Variants in RAPGEF1 observed in about 807,000 individuals in gnomAD.
RAPGEF1 encodes the protein Rap guanine nucleotide exchange factor 1.
Under a neutral mutation model 143.3 loss-of-function variants are expected in RAPGEF1, and 33 were observed. That is an observed-to-expected ratio of 0.23 (90% CI 0.17 to 0.31). RAPGEF1 has a LOEUF of 0.31. Among genes scored for constraint, RAPGEF1 ranks in the 10% least tolerant of loss-of-function variants. The pLI, the probability that RAPGEF1 is intolerant of heterozygous loss-of-function variation, is 1.00. For missense variants in RAPGEF1, 1,199 were observed against 1,645.4 expected (o/e 0.73, Z 4.69); for synonymous variants, 629 against 676.5 (o/e 0.93, Z 1.09).
At chr9:131,666,960 G>A (rs1230647688) in intron 1 of RAPGEF1, among the ~76,000 whole-genome samples, 1 of 152,108 alleles carries the variant, frequency 6.6e-6, no homozygotes, top group Non-Finnish European at 1.5e-5. Flanking sequence ...GAGTGCTGAG[G>A]TCTTGAAGGT....
chr9:131,677,564 A>G (rs1832519886), intron 1 of RAPGEF1, among the ~76,000 whole-genome samples: 1 of 152,236 alleles, frequency 6.6e-6, no homozygotes, highest in Non-Finnish European at 1.5e-5. Flanking sequence ...CATTTTTAGC[A>G]GTCCATTTTG....
At chr9:131,692,682 T>C (rs1474118803) in intron 1 of RAPGEF1, among the ~76,000 whole-genome samples, 1 of 152,248 alleles carries the variant, frequency 6.6e-6, no homozygotes, top group Non-Finnish European at 1.5e-5. Flanking sequence ...TGACTCCTCT[T>C]GATTTTTCCT....
rs1297616177 is a variant in RAPGEF1, at chr9:131,621,811, G to C, written c.1890C>G (p.Pro630=). 11 of 1,606,846 alleles carry C rather than the reference G, an allele frequency of 6.8e-6. No individual in the cohort carries two copies. The highest frequency in any genetic ancestry group is 1.7e-5 in the Admixed American group (1 of 58,772). Reference sequence around the variant, plus strand: ...TGTCACTCACCAGCTGCCGCTGCTTGGGGGGTAGGGCGGGCGGCGGGGCCA... The same window carrying C: ...TGTCACTCACCAGCTGCCGCTGCTTCGGGGGTAGGGCGGGCGGCGGGGCCA... ...QELAPPPALP[P]KQRQLASCAA... is the part of the protein sequence containing the mutation. The change falls in exon 11 of 27, where the codon CCC becomes CCG. Residue 630 remains proline (P), a synonymous_variant. Transcript: ENST00000683357. This position sits in a 1 kb window ranked among gnomAD's most constrained non-coding sequence, Gnocchi z 4.5.
At position 131,611,495 on chromosome 9, in the gene RAPGEF1, AC is replaced by A. The variant is rs200223006; in HGVS notation, c.2062-6308del. ...TCACAATATCTCCACTGAAAATACT[AC>A]GTTTTGGCCAATGGCTTCATGGCAA... On this transcript the variant is annotated intron_variant, in intron 12 of 26. Coordinates refer to ENST00000683357, the MANE Select transcript of RAPGEF1 (RefSeq NM_001377935.1). Among the ~76,000 whole-genome samples, 10 of 152,348 alleles carry A rather than the reference AC, an allele frequency of 6.6e-5. No individual in the cohort carries two copies. The East Asian group carries it at 1.5e-3, about 23-fold the overall frequency.
At chr9:131,615,519 G>A (rs1222467853) in intron 12 of RAPGEF1, among the ~76,000 whole-genome samples, 1 of 152,216 alleles carries the variant, frequency 6.6e-6, no homozygotes, top group Admixed American at 6.5e-5. Flanking sequence ...ACTCGTGGGA[G>A]GTGCTGGTGA....
intron 17 of RAPGEF1, 110 bp downstream of exon 17, chr9:131,596,188 C>T: frequency 2.0e-6 from 2 of 1,005,374 alleles, no homozygotes; most frequent in Middle Eastern, 2.1e-4. Context: ...GACTGCTGAT[C>T]AGACCTGCTC....
intron 17 of RAPGEF1, among the ~76,000 whole-genome samples, chr9:131,593,329 T>C (rs1954674669): frequency 6.6e-6 from 1 of 152,216 alleles, no homozygotes; most frequent in South Asian, 2.1e-4. Context: ...CTGTCTCTGA[T>C]ATTACAGAAT....
intron 1 of RAPGEF1, among the ~76,000 whole-genome samples, chr9:131,670,654 C>T (rs969248287): frequency 5.3e-5 from 8 of 152,196 alleles, no homozygotes; most frequent in Non-Finnish European, 7.4e-5. Flanking sequence ...ATACTCTCAG[C>T]GCAAAACCTC....
chr9:131,641,784 C>T lies in RAPGEF1; in HGVS notation c.494+1455G>A, dbSNP rs1968069623. 6.6e-6 allele frequency among the ~76,000 whole-genome samples: 1 copy of T among 152,240 alleles called. No homozygotes were observed. The highest frequency in any genetic ancestry group is 2.1e-4 in the South Asian group (1 of 4,834). On this transcript the variant is annotated intron_variant, in intron 4 of 26. Coordinates refer to ENST00000683357, the MANE Select transcript of RAPGEF1 (RefSeq NM_001377935.1). This position sits in a 1 kb window ranked among gnomAD's most constrained non-coding sequence, Gnocchi z 4.6. ...GACAGTGAAGACAAGCATGCCCTGC[C>T]TCCTTCCCGTCACCAACCAGCGCCA... is the stretch of plus-strand genomic sequence containing the variant.
chr9:131,602,176 C>G (rs1297289482), intron 14 of RAPGEF1, 27 bp from the exon 15 acceptor site: 1 of 1,539,630 alleles, frequency 6.5e-7, no homozygotes, highest in Non-Finnish European at 8.8e-7. Context: ...GTGCTGAGTT[C>G]TGGACAGGGG....
intron 1 of RAPGEF1, among the ~76,000 whole-genome samples, chr9:131,731,590 AATAC>A (rs1837077781): frequency 6.6e-6 from 1 of 152,140 alleles, no homozygotes; most frequent in Non-Finnish European, 1.5e-5. Context: ...CGTTTTTAAC[AATAC>A]AGTGTGTGGC....
intron 10 of RAPGEF1, 37 bp from the exon 11 acceptor site, chr9:131,622,035 G>A: frequency 6.3e-7 from 1 of 1,581,274 alleles, no homozygotes; most frequent in Non-Finnish European, 8.6e-7. Flanking sequence ...CGAGGCCGGG[G>A]GAGGCCACAT....
chr9:131,733,704 G>A (rs879739211), intron 1 of RAPGEF1, among the ~76,000 whole-genome samples: 3 of 152,192 alleles, frequency 2.0e-5, no homozygotes, highest in Non-Finnish European at 4.4e-5. Flanking sequence ...CAGGCGGTGG[G>A]TTGTCAGGCC....
chr9:131,662,918 C>T (rs1420441958), intron 1 of RAPGEF1, among the ~76,000 whole-genome samples: 1 of 152,098 alleles, frequency 6.6e-6, no homozygotes, highest in African/African-American at 2.4e-5. Context: ...ATCCTCTTGC[C>T]TCAGTCTCCC....
chr9:131,639,557 G>A (rs1480141946), intron 4 of RAPGEF1, among the ~76,000 whole-genome samples: 1 of 151,982 alleles, frequency 6.6e-6, no homozygotes, highest in East Asian at 1.9e-4. Flanking sequence ...AGTAGCAGCC[G>A]AATGGAGAAT....
chr9:131,610,279 G>A (rs546255134), intron 12 of RAPGEF1, among the ~76,000 whole-genome samples: 4 of 152,300 alleles, frequency 2.6e-5, no homozygotes, highest in African/African-American at 4.8e-5. Context: ...CAGGAAGAGC[G>A]CGTGCCAGAG....
intron 1 of RAPGEF1, among the ~76,000 whole-genome samples, chr9:131,731,265 G>A (rs1837055754): frequency 6.6e-6 from 1 of 152,166 alleles, no homozygotes. Context: ...CGTGGTAAGT[G>A]CCTAATGAAC....
chr9:131,704,087 G>A (rs957887788), intron 1 of RAPGEF1, among the ~76,000 whole-genome samples: 1 of 151,862 alleles, frequency 6.6e-6, no homozygotes, highest in African/African-American at 2.4e-5. Context: ...TTCAAAGTAC[G>A]CATTATTATT....
chr9:131,719,886 C>CTT (rs34813794), intron 1 of RAPGEF1, among the ~76,000 whole-genome samples: 58 of 135,740 alleles, frequency 4.3e-4, no homozygotes, highest in African/African-American at 1.2e-3. Context: ...TTCTTTCTTT[C>CTT]TTTTTTTTTT....
Sources: allele counts gnomAD v4.1 joint callset (sites outside exome capture counted in the v4.1 genomes callset), GRCh38; gene constraint gnomAD v4.1.1; non-coding constraint Gnocchi (gnomAD v3.1); transcripts MANE v1.5; gene names NCBI Gene and HGNC (gene_info 2026-07-23, HGNC 2026-07-21).